DNER: variants seen among roughly 807,000 people sequenced by gnomAD.
The protein encoded by DNER is delta and Notch-like epidermal growth factor-related receptor.
DNER carries 33 observed loss-of-function variants against 78.2 expected under a neutral mutation model. The ratio of observed to expected loss-of-function variants is 0.42; its 90% CI spans 0.32 to 0.56. The LOEUF is 0.56. Among genes scored for constraint, DNER ranks in the 20% least tolerant of loss-of-function variants. DNER has a pLI of 0.11. For synonymous variants in DNER, 417 were observed against 384.8 expected (o/e 1.08, Z -0.98); for missense variants, 918 against 975.3 (o/e 0.94, Z 0.78).
intron 1 of DNER, among the ~76,000 whole-genome samples, chr2:229,693,456 T>G (rs1699614519): frequency 6.6e-6 from 1 of 151,972 alleles, no homozygotes. Flanking sequence ...GAAAGCAACT[T>G]TGGATCCGGA....
chr2:229,594,189 A>T (rs1697661633), intron 1 of DNER, among the ~76,000 whole-genome samples: 1 of 152,224 alleles, frequency 6.6e-6, no homozygotes, highest in Non-Finnish European at 1.5e-5. Context: ...ACCCTCCCCA[A>T]GATAGCCGTT....
intron 1 of DNER, among the ~76,000 whole-genome samples, chr2:229,642,399 G>A (rs1200766917): frequency 6.6e-6 from 1 of 152,202 alleles, no homozygotes; most frequent in African/African-American, 2.4e-5. Context: ...AATTCCCCCT[G>A]CAGTGACAGA....
rs534333284 is a variant in DNER, at chr2:229,593,168, C to T, written c.277-1280G>A. Among the ~76,000 whole-genome samples the T allele has an allele frequency of 5.3e-5, 8 of 152,296 alleles. No homozygotes were observed. In the East Asian group the frequency reaches 9.6e-4, roughly 18 times the overall value. ...TTGTCAATAATTAATTTACAATATT[C>T]ACAATCTATCAACTCAAAGTAAAAT... On this transcript the variant is annotated intron_variant, in intron 1 of 12. Coordinates refer to ENST00000341772, the MANE Select transcript of DNER (RefSeq NM_139072.4).
chr2:229,512,021 C>T (rs1438626510), intron 6 of DNER, among the ~76,000 whole-genome samples: 2 of 152,166 alleles, frequency 1.3e-5, no homozygotes, highest in African/African-American at 4.8e-5. Context: ...CTCAAATGCC[C>T]ATCAATCAAC....
rs150449390 is a variant in DNER at position 229,379,067 on chromosome 2, A to G, written c.1855+9198T>C. Among the ~76,000 whole-genome samples, 20 of 152,274 alleles carry G rather than the reference A, an allele frequency of 1.3e-4. No homozygotes were observed. In the East Asian group the frequency reaches 3.5e-3, roughly 26 times the overall value. ...AAATGAGATCATCAAATGGAAGATG[A>G]TAGAGTTGAGTGAACACGGCGTCCA... On this transcript the variant is annotated intron_variant, in intron 11 of 12. Coordinates refer to ENST00000341772, the MANE Select transcript of DNER (RefSeq NM_139072.4).
At chr2:229,433,001 G>A (rs769216587) in intron 8 of DNER, among the ~76,000 whole-genome samples, 8 of 152,080 alleles carry the variant, frequency 5.3e-5, no homozygotes, top group Admixed American at 2.0e-4. Context: ...GTGCAAAGGC[G>A]CAATCTAGGG....
chr2:229,496,190 G>A (rs1017359534), intron 6 of DNER, among the ~76,000 whole-genome samples: 1 of 152,038 alleles, frequency 6.6e-6, no homozygotes, highest in East Asian at 1.9e-4. Flanking sequence ...TAATTGATGC[G>A]GATGACAATC....
In DNER at chr2:229,477,078, A is replaced by G. The variant is rs112928919; in HGVS notation, c.1261+62T>C. 8.5e-4 allele frequency: 1,145 copies of G among 1,342,258 alleles called. 7 individuals carry two copies. In the African/African-American group the frequency reaches 0.014, roughly 17 times the overall value. The allele number at this position is 1,342,258 out of a possible 1,614,324, so 83.1% of individuals were successfully genotyped here. On this transcript the variant is annotated intron_variant, in intron 7 of 12. Coordinates refer to ENST00000341772, the MANE Select transcript of DNER (RefSeq NM_139072.4). ...TTTGCAGAAACAAAGTATAAGGCTGATCAAATTAGTTTATGATTTAAAATG... is the reference window on the plus strand; with the variant it reads ...TTTGCAGAAACAAAGTATAAGGCTGGTCAAATTAGTTTATGATTTAAAATG...
chr2:229,529,185 C>A (rs1034780618), intron 5 of DNER, among the ~76,000 whole-genome samples: 22 of 151,690 alleles, frequency 1.5e-4, no homozygotes, highest in Middle Eastern at 3.2e-3. Context: ...CTAGATACCA[C>A]AACATAATAT....
intron 1 of DNER, among the ~76,000 whole-genome samples, chr2:229,691,886 G>A (rs1159929670): frequency 6.6e-6 from 1 of 152,134 alleles, no homozygotes; most frequent in Non-Finnish European, 1.5e-5. Flanking sequence ...AGTCCAACCA[G>A]AACTAATCTC....
chr2:229,461,243 A>G (rs952185969), intron 7 of DNER, among the ~76,000 whole-genome samples: 3 of 152,062 alleles, frequency 2.0e-5, no homozygotes, highest in Non-Finnish European at 2.9e-5. Context: ...TTTCAATTCA[A>G]TCTCCAGACC....
intron 1 of DNER, among the ~76,000 whole-genome samples, chr2:229,711,067 G>A (rs1699906090): frequency 6.6e-6 from 1 of 151,876 alleles, no homozygotes; most frequent in Admixed American, 6.6e-5. Context: ...TCTCTGGGGA[G>A]AGCAGGCAGC....
At chr2:229,417,511 G>GA (rs1693678107) in intron 9 of DNER, among the ~76,000 whole-genome samples, 2 of 152,000 alleles carry the variant, frequency 1.3e-5, no homozygotes, top group East Asian at 3.9e-4. Flanking sequence ...GAAGATGCTG[G>GA]GAAAGGGCTT....
chr2:229,481,016 C>T (rs745339274), intron 6 of DNER, among the ~76,000 whole-genome samples: 9 of 152,066 alleles, frequency 5.9e-5, no homozygotes, highest in Non-Finnish European at 1.2e-4. Flanking sequence ...GGTGAGATCA[C>T]GGGATTATAG....
At chr2:229,527,020 A>G (rs759759020) in intron 5 of DNER, among the ~76,000 whole-genome samples, 5 of 152,108 alleles carry the variant, frequency 3.3e-5, no homozygotes, top group Non-Finnish European at 5.9e-5. Flanking sequence ...TCTTTTTTCT[A>G]AGTATTAGTT....
At chr2:229,438,360 T>A (rs1166921282) in intron 8 of DNER, among the ~76,000 whole-genome samples, 1 of 152,228 alleles carries the variant, frequency 6.6e-6, no homozygotes, top group Non-Finnish European at 1.5e-5. Context: ...TTCTTGTGAT[T>A]GGTTCAAACA....
chr2:229,651,614 G>A (rs1429811757), intron 1 of DNER, among the ~76,000 whole-genome samples: 1 of 152,204 alleles, frequency 6.6e-6, no homozygotes, highest in Non-Finnish European at 1.5e-5. Flanking sequence ...CTGCTCCCTA[G>A]GGTCTGTTTT....
At chr2:229,361,899 T>C (rs1692225728) in intron 12 of DNER, among the ~76,000 whole-genome samples, 1 of 149,936 alleles carries the variant, frequency 6.7e-6, no homozygotes, top group South Asian at 2.1e-4. Flanking sequence ...ATGTTTCTTC[T>C]GTGCTGGGTG....
intron 1 of DNER, among the ~76,000 whole-genome samples, chr2:229,636,986 A>G (rs1289030697): frequency 6.6e-6 from 1 of 152,166 alleles, no homozygotes; most frequent in Non-Finnish European, 1.5e-5. Flanking sequence ...AATAAAAATA[A>G]AACAAAAATC....
Sources: allele counts gnomAD v4.1 joint callset (sites outside exome capture counted in the v4.1 genomes callset), GRCh38; gene constraint gnomAD v4.1.1; transcripts MANE v1.5; gene names NCBI Gene and HGNC (gene_info 2026-07-23, HGNC 2026-07-21).